The following DERA variants were observed in gnomAD, a reference collection of about 807,000 sequenced individuals.
The protein encoded by DERA is deoxyribose-phosphate aldolase, also known as 2-deoxy-D-ribose 5-phosphate aldolase.
DERA carries 15 observed loss-of-function variants against 41.1 expected under a neutral mutation model. The observed-to-expected ratio is 0.37, with a 90% CI of 0.24 to 0.56. The LOEUF (loss-of-function observed/expected upper bound fraction) is 0.56. Among genes scored for constraint, DERA ranks in the 20% least tolerant of loss-of-function variants. The probability of loss-of-function intolerance (pLI) is 0.81; values close to 1 mark genes in which losing one functional copy is unlikely to be tolerated. For synonymous variants in DERA, 139 were observed against 137.4 expected (o/e 1.01, Z -0.08); for missense variants, 396 against 403.4 (o/e 0.98, Z 0.16).
Position 15,990,963 on chromosome 12 carries a change from G to A in DERA, c.637+8527G>A, listed in dbSNP as rs1948798145. ...AATAGAATGATTTATATCCCTTTGG[G>A]TGTATACACAGTAATGGGATTCCTG... On this transcript the variant is annotated intron_variant, in intron 6 of 8. Transcript: ENST00000428559. This position sits in a 1 kb window ranked among gnomAD's most constrained non-coding sequence, Gnocchi z 4.3. 6.6e-6 allele frequency among the ~76,000 whole-genome samples: 1 copy of A among 152,078 alleles called. No individual in the cohort carries two copies.
rs753098491 is a variant in DERA, at chr12:15,915,363, T to C, written c.31+3949T>C. 6.6e-6 allele frequency among the ~76,000 whole-genome samples: 1 copy of C among 152,354 alleles called. No individual in the cohort carries two copies. The highest frequency in any genetic ancestry group is 1.5e-5 in the Non-Finnish European group (1 of 68,038). ...CATTTTTGGCATTCCTGCTAAAGTA[T>C]AACTTGGGTACAGAATGTTTCTGAT... On this transcript the variant is annotated intron_variant, in intron 1 of 8. Transcript: ENST00000428559. The surrounding 1 kb of genome is among the most constrained non-coding windows in gnomAD (Gnocchi z 4.8).
At position 15,935,942 on chromosome 12, in the gene DERA, T is replaced by A. The variant is rs991457818; in HGVS notation, c.32-20994T>A. On this transcript the variant is annotated intron_variant, in intron 1 of 8. Coordinates refer to ENST00000428559, the MANE Select transcript of DERA (RefSeq NM_015954.4). This position sits in a 1 kb window ranked among gnomAD's most constrained non-coding sequence, Gnocchi z 4.8. ...GGAGCTAGAGGATCTGATTCCAAAGTGGCTCACCCATATGGTTGGCAGCTT... is the reference window on the plus strand; with the variant it reads ...GGAGCTAGAGGATCTGATTCCAAAGAGGCTCACCCATATGGTTGGCAGCTT... Among the ~76,000 whole-genome samples, 1 of 152,204 alleles carries A rather than the reference T, an allele frequency of 6.6e-6. No homozygotes were observed. The highest frequency in any genetic ancestry group is 1.5e-5 in the Non-Finnish European group (1 of 68,032).
intron 6 of DERA, among the ~76,000 whole-genome samples, chr12:16,023,290 T>C (rs889331652): frequency 1.3e-5 from 2 of 152,038 alleles, no homozygotes; most frequent in African/African-American, 2.4e-5. Flanking sequence ...ACAAGAATAC[T>C]ATAGAAATTT....
At chr12:15,958,395 C>A in intron 3 of DERA, 60 bp downstream of exon 3, 2 of 1,357,168 alleles carry the variant, frequency 1.5e-6, no homozygotes, top group Non-Finnish European at 9.8e-7. Flanking sequence ...ATTACTAAAT[C>A]AAAGACGACT....
At chr12:15,978,538 G>A (rs1443084273) in intron 5 of DERA, among the ~76,000 whole-genome samples, 1 of 152,208 alleles carries the variant, frequency 6.6e-6, no homozygotes, top group Non-Finnish European at 1.5e-5. Context: ...ATTAGGCTTA[G>A]AGAAATCGAA....
chr12:15,958,257 A>G lies in DERA; in HGVS notation c.199A>G (p.Asn67Asp). 26 of 1,597,108 alleles carry G rather than the reference A, an allele frequency of 1.6e-5. No homozygotes were observed. The highest frequency in any genetic ancestry group is 2.2e-5 in the Non-Finnish European group (26 of 1,171,080). The part of the protein sequence containing the change: ...TTLSGDDTSS[N>D]IQRLCYKAKY... ...ACTTTCAGGTGATGATACATCTTCCAACATTCAAAGGCTCTGTTATAAAGC... is the reference window on the plus strand; with the variant it reads ...ACTTTCAGGTGATGATACATCTTCCGACATTCAAAGGCTCTGTTATAAAGC... The change falls in exon 3 of 9, where the codon AAC becomes GAC. Residue 67 changes from asparagine (N) to aspartate (D), a missense_variant. Transcript: ENST00000428559.
chr12:16,015,965 AG>A (rs2136181838), intron 6 of DERA, among the ~76,000 whole-genome samples: 1 of 152,284 alleles, frequency 6.6e-6, no homozygotes, highest in African/African-American at 2.4e-5. Context: ...TGTACAATAA[AG>A]TTTACCCTTT....
chr12:15,988,115 C>T lies in DERA; in HGVS notation c.637+5679C>T, dbSNP rs1948777545. Among the ~76,000 whole-genome samples, 1 of 152,114 alleles carries T rather than the reference C, an allele frequency of 6.6e-6. No individual in the cohort carries two copies. Among genetic ancestry groups the T allele is most frequent in the African/African-American group, 2.4e-5 (1 of 41,418 alleles). ...TGGAGACACCAGGAACCACAGAGCC[C>T]CAAAGAGGGTGTTACAGCATGTCAC... is the stretch of plus-strand genomic sequence containing the variant. On this transcript the variant is annotated intron_variant, in intron 6 of 8. Transcript: ENST00000428559. This position sits in a 1 kb window ranked among gnomAD's most constrained non-coding sequence, Gnocchi z 6.0.
At position 15,985,869 on chromosome 12, in the gene DERA, G is replaced by T. The variant is rs571838698; in HGVS notation, c.637+3433G>T. Among the ~76,000 whole-genome samples the T allele has an allele frequency of 6.6e-6, 1 of 152,090 alleles. No homozygotes were observed. Among genetic ancestry groups the T allele is most frequent in the African/African-American group, 2.4e-5 (1 of 41,408 alleles). On this transcript the variant is annotated intron_variant, in intron 6 of 8. Transcript: ENST00000428559. This position sits in a 1 kb window ranked among gnomAD's most constrained non-coding sequence, Gnocchi z 4.2. Reference sequence around the variant, plus strand: ...CAGATGTTAGAGCAAATGTCAGATCGAATTGGTTGATAATGTTTTTCAGAT... The same window carrying T: ...CAGATGTTAGAGCAAATGTCAGATCTAATTGGTTGATAATGTTTTTCAGAT...
At chr12:15,923,929 A>G (rs995523010) in intron 1 of DERA, among the ~76,000 whole-genome samples, 2 of 152,072 alleles carry the variant, frequency 1.3e-5, no homozygotes, top group African/African-American at 4.8e-5. Flanking sequence ...TGCTTTTCTG[A>G]TTATTTGGTT....
rs547633656 is a variant in DERA at position 16,019,143 on chromosome 12, A to G, written c.638-13399A>G. Among the ~76,000 whole-genome samples, 2 of 152,236 alleles carry G rather than the reference A, an allele frequency of 1.3e-5. No individual in the cohort carries two copies. Among genetic ancestry groups the G allele is most frequent in the South Asian group, 4.1e-4 (2 of 4,836 alleles). The stretch of plus-strand genomic sequence containing the variant: ...TTTTAGCAGAAGGGCAAAGGAAGCA[A>G]TGTTAAAATGAGAAGTAAAACAAAA... On this transcript the variant is annotated intron_variant, in intron 6 of 8. Transcript: ENST00000428559. The surrounding 1 kb of genome is among the most constrained non-coding windows in gnomAD (Gnocchi z 4.4).
Position 16,012,936 on chromosome 12 carries a change from A to G in DERA, c.638-19606A>G, listed in dbSNP as rs1948956278. On this transcript the variant is annotated intron_variant, in intron 6 of 8. Transcript: ENST00000428559. This position sits in a 1 kb window ranked among gnomAD's most constrained non-coding sequence, Gnocchi z 4.1. ...GATTTATTACATTGTATTTTTTTGT[A>G]TTAGTTCCTCAAATCCCCGTACTTC... Among the ~76,000 whole-genome samples, 1 of 152,128 alleles carries G rather than the reference A, an allele frequency of 6.6e-6. No individual in the cohort carries two copies. The highest frequency in any genetic ancestry group is 1.5e-5 in the Non-Finnish European group (1 of 68,006).
At chr12:16,025,193 GTA>G (rs1949045082) in intron 6 of DERA, among the ~76,000 whole-genome samples, 1 of 152,070 alleles carries the variant, frequency 6.6e-6, no homozygotes, top group Admixed American at 6.5e-5. Flanking sequence ...AATAAACATG[GTA>G]TATATTAATT....
At position 15,938,430 on chromosome 12, in the gene DERA, A is replaced by G. The variant is rs952428108; in HGVS notation, c.32-18506A>G. On this transcript the variant is annotated intron_variant, in intron 1 of 8. Coordinates refer to ENST00000428559, the MANE Select transcript of DERA (RefSeq NM_015954.4). This position sits in a 1 kb window ranked among gnomAD's most constrained non-coding sequence, Gnocchi z 4.1. ...CATGTACATCAAAGCCAAAAAATGT[A>G]TTTATATTATCTCAGCATTATAAAA... is the stretch of plus-strand genomic sequence containing the variant. Among the ~76,000 whole-genome samples, 53 of 152,180 alleles carry G rather than the reference A, an allele frequency of 3.5e-4. No individual in the cohort carries two copies. The highest frequency in any genetic ancestry group is 5.9e-5 in the Non-Finnish European group (4 of 68,030).
At chr12:15,974,864 A>G (rs1948686780) in intron 5 of DERA, among the ~76,000 whole-genome samples, 1 of 152,142 alleles carries the variant, frequency 6.6e-6, no homozygotes, top group South Asian at 2.1e-4. Context: ...CAGATGTGGT[A>G]TTGAGGTCCT....
chr12:15,980,210 G>A (rs986422172), intron 5 of DERA, among the ~76,000 whole-genome samples: 9 of 152,190 alleles, frequency 5.9e-5, no homozygotes, highest in African/African-American at 1.4e-4. Context: ...CTCATTCCTG[G>A]TAACCCTGTA....
intron 1 of DERA, among the ~76,000 whole-genome samples, chr12:15,925,127 G>A (rs893935100): frequency 4.6e-5 from 7 of 151,938 alleles, no homozygotes; most frequent in Admixed American, 2.0e-4. Context: ...CCCCATTCCT[G>A]TTACCCTCCC....
At chr12:15,971,859 G>A (rs3782545) in intron 5 of DERA, 189,662 of 296,516 alleles carry the variant, frequency 0.64, 61,587 homozygotes, top group East Asian at 0.82. Context: ...CATTGCTAAA[G>A]TGAACAAGGC....
Position 15,970,457 on chromosome 12 carries a change from T to A in DERA, c.508+7510T>A, listed in dbSNP as rs1404695123. ...TAGAGCAGTGCTTTTCCAGAATACTTAGCAGATTGCCAGCCGCTTCAAAAT... is the reference window on the plus strand; with the variant it reads ...TAGAGCAGTGCTTTTCCAGAATACTAAGCAGATTGCCAGCCGCTTCAAAAT... On this transcript the variant is annotated intron_variant, in intron 5 of 8. Coordinates refer to ENST00000428559, the MANE Select transcript of DERA (RefSeq NM_015954.4). The surrounding 1 kb of genome is among the most constrained non-coding windows in gnomAD (Gnocchi z 4.3). Among the ~76,000 whole-genome samples, 1 of 152,188 alleles carries A rather than the reference T, an allele frequency of 6.6e-6. No individual in the cohort carries two copies. The highest frequency in any genetic ancestry group is 6.5e-5 in the Admixed American group (1 of 15,274).
Sources: allele counts gnomAD v4.1 joint callset (sites outside exome capture counted in the v4.1 genomes callset), GRCh38; gene constraint gnomAD v4.1.1; non-coding constraint Gnocchi (gnomAD v3.1); transcripts MANE v1.5; gene names NCBI Gene and HGNC (gene_info 2026-07-23, HGNC 2026-07-21).